Variants in ARHGAP45 observed in about 807,000 individuals in gnomAD.
ARHGAP45 encodes rho GTPase-activating protein 45.
A neutral mutation model predicts 116.1 loss-of-function variants in ARHGAP45; 56 were observed. That is an observed-to-expected ratio of 0.48 (90% CI 0.39 to 0.60). ARHGAP45 has a LOEUF of 0.60. Ranked by LOEUF, ARHGAP45 falls within the 20% of genes least tolerant of loss-of-function variation. The pLI, the probability that ARHGAP45 is intolerant of heterozygous loss-of-function variation, is 0.00. For missense variants in ARHGAP45, 1,622 were observed against 1,601.0 expected (o/e 1.01, Z -0.22); for synonymous variants, 866 against 701.7 (o/e 1.23, Z -3.70).
Position 1,080,255 on chromosome 19 carries a change from G to A in ARHGAP45, c.1704G>A (p.Trp568Ter), listed in dbSNP as rs753801391. 1 of 1,612,576 alleles carries A rather than the reference G, an allele frequency of 6.2e-7. No individual in the cohort carries two copies. The highest frequency in any genetic ancestry group is 8.5e-7 in the Non-Finnish European group (1 of 1,179,812). Residue 568 changes from tryptophan (W) to a stop codon, truncating the protein, a stop_gained and splice_region_variant, in exon 14 of 23, where the codon TGG becomes TGA. Coordinates refer to ENST00000313093, the MANE Select transcript of ARHGAP45 (RefSeq NM_012292.5). LOFTEE classifies it high-confidence loss of function. ...TCCTTTTCCCGGTTTCTTCCACTAGGTCCCCCGTCATGCGTGCCCGGAAGA... is the reference window on the plus strand; with the variant it reads ...TCCTTTTCCCGGTTTCTTCCACTAGATCCCCCGTCATGCGTGCCCGGAAGA... ...DFEPHVSANA[W>*]SPVMRARKSS...
rs71174343 is a variant in ARHGAP45, at chr19:1,076,483, C to CTTTTTTTTTTTTTTTTTTTTTTTTT, written c.1186-1368_1186-1344dup. Among the ~76,000 whole-genome samples, 3 of 64,982 alleles carry CTTTTTTTTTTTTTTTTTTTTTTTTT rather than the reference C, an allele frequency of 4.6e-5. 1 individual carries two copies. Among genetic ancestry groups the CTTTTTTTTTTTTTTTTTTTTTTTTT allele is most frequent in the Admixed American group, 2.0e-4 (1 of 4,898 alleles). 42.6% of individuals were successfully genotyped at this position (64,982 alleles called of 152,430 possible). A position where few individuals can be genotyped will look rare whatever the true frequency, so the allele number is the denominator to read the frequency against. The stretch of plus-strand genomic sequence containing the variant: ...GAAACCTGTGATTGTTGGCAGTAGT[C>CTTTTTTTTTTTTTTTTTTTTTTTTT]TTTTTTTTTTTTTTTTTTTTTTTTT... On this transcript the variant is annotated intron_variant, in intron 10 of 22. Coordinates refer to ENST00000313093, the MANE Select transcript of ARHGAP45 (RefSeq NM_012292.5).
In ARHGAP45 at chr19:1,068,429, G is replaced by T. The variant is rs200702693; in HGVS notation, c.106G>T (p.Asp36Tyr). 1.3e-6 allele frequency: 2 copies of T among 1,571,404 alleles called. No homozygotes were observed. The highest frequency in any genetic ancestry group is 8.6e-7 in the Non-Finnish European group (1 of 1,158,474). ...PQPSGELPRK[D>Y]GADAVFPGPS... ...CCTGCCCAAGGAGCTGCCCAGGAAGGATGGGGCTGACGCGGTGTTCCCCGG... is the reference window on the plus strand; with the variant it reads ...CCTGCCCAAGGAGCTGCCCAGGAAGTATGGGGCTGACGCGGTGTTCCCCGG... The change falls in exon 2 of 23, where the codon GAT becomes TAT. Residue 36 changes from aspartate (D) to tyrosine (Y), a missense_variant. By Grantham distance (160) the Asp-to-Tyr change is radical. This residue lies in a region of ARHGAP45 where 279 missense variants were observed against 311.9 expected (regional missense o/e 0.89). Transcript: ENST00000313093. This position sits in a 1 kb window ranked among gnomAD's most constrained non-coding sequence, Gnocchi z 7.5.
intron 1 of ARHGAP45, chr19:1,067,763 T>C: frequency 1.5e-6 from 1 of 655,046 alleles, no homozygotes; most frequent in Non-Finnish European, 2.8e-6. Context: ...GGGTGCCGGG[T>C]TGGGACGATG....
rs566882607 is a variant in ARHGAP45, at chr19:1,069,806, G to A, written c.421+1062G>A. Among the ~76,000 whole-genome samples the A allele has an allele frequency of 1.4e-5, 2 of 145,952 alleles. No individual in the cohort carries two copies. The highest frequency in any genetic ancestry group is 4.3e-4 in the South Asian group (2 of 4,668). ...CAGGAGGTCTGAACTGGGCCAGCCA[G>A]GGTGGGGCACTTTTTTTTTTTTTTT... is the stretch of plus-strand genomic sequence containing the variant. On this transcript the variant is annotated intron_variant, in intron 2 of 22. Transcript: ENST00000313093. The surrounding 1 kb of genome is among the most constrained non-coding windows in gnomAD (Gnocchi z 4.1).
At position 1,082,904 on chromosome 19, in the gene ARHGAP45, T is replaced by C; in HGVS notation, c.2582T>C (p.Leu861Pro). The change falls in exon 20 of 23, where the codon CTG becomes CCG. Residue 861 changes from leucine to proline, a missense_variant. Transcript: ENST00000313093. ...HELVGLAKDSLKAEAEAKAAS... is the reference protein window; with the variant it reads ...HELVGLAKDSPKAEAEAKAAS... The stretch of plus-strand genomic sequence containing the variant: ...CTCGTAGGGCTGGCCAAGGACAGCC[T>C]GAAGGCAGAGGCCGAGGCCAAGGCG... 6.3e-7 allele frequency: 1 copy of C among 1,595,546 alleles called. No homozygotes were observed. The highest frequency in any genetic ancestry group is 2.3e-5 in the East Asian group (1 of 44,328).
At chr19:1,066,616 G>T (rs1020045594), upstream of ARHGAP45, 1 of 163,146 alleles carries the variant, frequency 6.1e-6, no homozygotes, top group South Asian at 1.5e-4. Flanking sequence ...CCAGACGGAC[G>T]TGGGGACCCA....
Position 1,085,857 on chromosome 19 carries a change from G to C in ARHGAP45, c.3262G>C (p.Gly1088Arg), listed in dbSNP as rs760355452. 2.7e-5 allele frequency: 44 copies of C among 1,612,912 alleles called. No individual in the cohort carries two copies. The highest frequency in any genetic ancestry group is 3.6e-5 in the Non-Finnish European group (43 of 1,179,934). Residue 1088 changes from glycine to arginine, a missense_variant, in exon 23 of 23, where the codon GGG becomes CGG. Gly to Arg is a moderately radical substitution (Grantham distance 125). Around this residue, in one of 3 missense-constraint regions of ARHGAP45, gnomAD observed 1,334 missense variants for 1,263.8 expected, o/e 1.06. Coordinates refer to ENST00000313093, the MANE Select transcript of ARHGAP45 (RefSeq NM_012292.5). ...LEATAREDGD[G>R]DEDGPAQQLS... ...GGCCACAGCCCGGGAGGACGGGGAC[G>C]GGGACGAGGACGGCCCGGCCCAGCA...
chr19:1,078,468 C>CCAAA (rs2043331177), intron 11 of ARHGAP45, among the ~76,000 whole-genome samples: 1 of 123,452 alleles, frequency 8.1e-6, no homozygotes, highest in Non-Finnish European at 1.7e-5. Context: ...GACAGAGTCT[C>CCAAA]ATTCTGTTGC....
rs771669522 is a variant in ARHGAP45, at chr19:1,068,753, C to A, written c.421+9C>A. The stretch of plus-strand genomic sequence containing the variant: ...GTGTGTGTTGCGTGACGGTGAGAGC[C>A]ACGGGGACACCGAGGCCTGGGTGGA... On this transcript the variant is annotated intron_variant, in intron 2 of 22. Coordinates refer to ENST00000313093, the MANE Select transcript of ARHGAP45 (RefSeq NM_012292.5). The surrounding 1 kb of genome is among the most constrained non-coding windows in gnomAD (Gnocchi z 7.5). The A allele has an allele frequency of 2.5e-6, 4 of 1,608,288 alleles. No homozygotes were observed. The highest frequency in any genetic ancestry group is 1.7e-6 in the Non-Finnish European group (2 of 1,176,610).
Position 1,080,093 on chromosome 19 carries a change from G to C in ARHGAP45, c.1678G>C (p.Glu560Gln). The C allele has an allele frequency of 3.1e-6, 5 of 1,612,322 alleles. No individual in the cohort carries two copies. The highest frequency in any genetic ancestry group is 4.2e-6 in the Non-Finnish European group (5 of 1,179,848). Residue 560 changes from glutamate (E) to glutamine (Q), a missense_variant, in exon 13 of 23, where the codon GAG (glutamate) becomes CAG (glutamine). This residue lies in a region of ARHGAP45 where 1,334 missense variants were observed against 1,263.8 expected (regional missense o/e 1.06). Coordinates refer to ENST00000313093, the MANE Select transcript of ARHGAP45 (RefSeq NM_012292.5). ...DQEPDVHYDFEPHVSANAWSP... is the reference protein window; with the variant it reads ...DQEPDVHYDFQPHVSANAWSP... Reference sequence around the variant, plus strand: ...GGAGCCCGATGTGCACTACGACTTTGAGCCCCACGTCTCCGCCAACGCCTG... The same window carrying C: ...GGAGCCCGATGTGCACTACGACTTTCAGCCCCACGTCTCCGCCAACGCCTG...
At chr19:1,072,578 TC>T (rs1007318010) in intron 2 of ARHGAP45, among the ~76,000 whole-genome samples, 31 of 152,196 alleles carry the variant, frequency 2.0e-4, no homozygotes, top group African/African-American at 7.0e-4. Flanking sequence ...AAAGCCAGGT[TC>T]CAACAGTCAG....
upstream of ARHGAP45, among the ~76,000 whole-genome samples, chr19:1,066,837 C>T (rs938628734): frequency 3.8e-5 from 5 of 132,868 alleles, no homozygotes; most frequent in African/African-American, 1.5e-4. Context: ...GTGGAGCGGG[C>T]TTGCCTTCAG....
rs552114360 is a variant in ARHGAP45 at position 1,071,560 on chromosome 19, C to G, written c.422-1589C>G. On this transcript the variant is annotated intron_variant, in intron 2 of 22. Transcript: ENST00000313093. The surrounding 1 kb of genome is among the most constrained non-coding windows in gnomAD (Gnocchi z 4.6). ...GGGTGTGCGGGGACAGCCGGGGGTC[C>G]GTGCGCCGGCCGCGCGCGGAGTGCC... 39 of 226,928 alleles carry G rather than the reference C, an allele frequency of 1.7e-4. 1 individual carries two copies. The highest frequency in any genetic ancestry group is 8.4e-4 in the African/African-American group (36 of 42,732). 14.1% of individuals were successfully genotyped at this position (226,928 alleles called of 1,614,324 possible).
In ARHGAP45 at chr19:1,079,913, C is replaced by T. The variant is rs374848434; in HGVS notation, c.1513-15C>T. 6 of 1,601,568 alleles carry T rather than the reference C, an allele frequency of 3.7e-6. No individual in the cohort carries two copies. Among genetic ancestry groups the T allele is most frequent in the Non-Finnish European group, 4.3e-6 (5 of 1,170,938 alleles). ...GCCTCCTCCTGACCCCTCCGCTCTC[C>T]GGTGCCGCCCGCAGGCCACGATCTC... On this transcript the variant is annotated splice_polypyrimidine_tract_variant and intron_variant, in intron 12 of 22. Transcript: ENST00000313093.
rs1296441444 is a variant in ARHGAP45, at chr19:1,079,747, G to A, written c.1419G>A (p.Ala473=). Residue 473 remains alanine (A), a synonymous_variant, in exon 12 of 23, where the codon GCG becomes GCA. Transcript: ENST00000313093. ...MATYRTCVAD[A]KTQKQELEDT... is the part of the protein sequence containing the mutation. ...CCTACCGCACCTGCGTGGCCGACGCGAAGACGCAGAAGCAGGAGCTGGAGG... is the reference window on the plus strand; with the variant it reads ...CCTACCGCACCTGCGTGGCCGACGCAAAGACGCAGAAGCAGGAGCTGGAGG... 5 of 1,612,586 alleles carry A rather than the reference G, an allele frequency of 3.1e-6. No individual in the cohort carries two copies. In the South Asian group the frequency reaches 4.4e-5, roughly 14 times the overall value.
Position 1,074,867 on chromosome 19 carries a change from C to T in ARHGAP45, c.1173C>T (p.Ala391=), listed in dbSNP as rs1404815573. ...AGATCAAGGAGGCCTGGCACCGTGCCCAGAGGAAGCTGGTGAGGCGGGCGG... is the reference window on the plus strand; with the variant it reads ...AGATCAAGGAGGCCTGGCACCGTGCTCAGAGGAAGCTGGTGAGGCGGGCGG... ...RKEIKEAWHR[A]QRKLQEAESN... The change falls in exon 10 of 23, where the codon GCC becomes GCT. Residue 391 remains alanine, a synonymous_variant. Coordinates refer to ENST00000313093, the MANE Select transcript of ARHGAP45 (RefSeq NM_012292.5). 6.8e-7 allele frequency: 1 copy of T among 1,461,806 alleles called. No homozygotes were observed. The allele number at this position is 1,461,806 out of a possible 1,614,324, so 90.6% of individuals were successfully genotyped here. A position where few individuals can be genotyped will look rare whatever the true frequency, so the allele number is the denominator to read the frequency against.
In ARHGAP45 at chr19:1,067,203, G is replaced by A; in HGVS notation, c.-203G>A. 7.4e-7 allele frequency: 1 copy of A among 1,350,424 alleles called. No individual in the cohort carries two copies. 83.7% of individuals were successfully genotyped at this position (1,350,424 alleles called of 1,614,324 possible). A position where few individuals can be genotyped will look rare whatever the true frequency, so the allele number is the denominator to read the frequency against. On this transcript the variant is annotated 5_prime_UTR_variant, in exon 1 of 23. Transcript: ENST00000313093. ...CCGCAGGCTGAGGCCGGGAAGGGTC[G>A]GGGGCGAGGCCGCGTCGCCGCCTCC...
chr19:1,073,169 C>T lies in ARHGAP45; in HGVS notation c.442C>T (p.Pro148Ser). ...LRDDLLEARR[P>S]RAHECLGEAL... Reference sequence around the variant, plus strand: ...AGCAGACCTCCTTGAGGCCCGCCGCCCGCGGGCCCACGAGTGCCTGGGTGA... The same window carrying T: ...AGCAGACCTCCTTGAGGCCCGCCGCTCGCGGGCCCACGAGTGCCTGGGTGA... The change falls in exon 3 of 23, where the codon CCG becomes TCG. Residue 148 changes from proline to serine, a missense_variant. Transcript: ENST00000313093. The T allele has an allele frequency of 6.2e-7, 1 of 1,609,676 alleles. No homozygotes were observed. The highest frequency in any genetic ancestry group is 1.1e-5 in the South Asian group (1 of 91,052).
rs759674147 is a variant in ARHGAP45, at chr19:1,074,014, G to C, written c.790G>C (p.Gly264Arg). Residue 264 changes from glycine to arginine, a missense_variant and splice_region_variant, in exon 6 of 23, where the codon GGC becomes CGC. Around this residue, in one of 3 missense-constraint regions of ARHGAP45, gnomAD observed 1,334 missense variants for 1,263.8 expected, o/e 1.06. Coordinates refer to ENST00000313093, the MANE Select transcript of ARHGAP45 (RefSeq NM_012292.5). ...TCCCAGCCTGGAAGACTGTGACGCCGGTAAGCCCCCACCCAGCGGCAGGCA... is the reference window on the plus strand; with the variant it reads ...TCCCAGCCTGGAAGACTGTGACGCCCGTAAGCCCCCACCCAGCGGCAGGCA... ...TPPSLEDCDA[G>R]CLPAEEVDVL... The C allele has an allele frequency of 1.9e-6, 3 of 1,596,492 alleles. No individual in the cohort carries two copies. The South Asian group carries it at 3.4e-5, about 18-fold the overall frequency.
Sources: allele counts gnomAD v4.1 joint callset (sites outside exome capture counted in the v4.1 genomes callset), GRCh38; gene constraint gnomAD v4.1.1; regional missense constraint gnomAD v4.1.1; non-coding constraint Gnocchi (gnomAD v3.1); transcripts MANE v1.5; gene names NCBI Gene and HGNC (gene_info 2026-07-23, HGNC 2026-07-21).